Variants in PTPDC1 observed in about 807,000 individuals in gnomAD.
PTPDC1 encodes the protein protein tyrosine phosphatase domain-containing protein 1.
In PTPDC1, 53 loss-of-function variants were observed where a neutral mutation model predicts 75.3. The ratio of observed to expected loss-of-function variants is 0.70; its 90% confidence interval spans 0.56 to 0.88. The LOEUF (loss-of-function observed/expected upper bound fraction) is 0.88. Ranked by LOEUF, PTPDC1 falls within the 40% of genes least tolerant of loss-of-function variation. The pLI, the probability that PTPDC1 is intolerant of heterozygous loss-of-function variation, is 0.00. For synonymous variants in PTPDC1, 349 were observed against 366.2 expected (o/e 0.95, Z 0.54); for missense variants, 925 against 998.6 (o/e 0.93, Z 0.99).
exon 1 of PTPDC1, chr9:94,030,939 G>C (rs561810391): frequency 6.6e-6 from 1 of 152,326 alleles, no homozygotes; most frequent in Non-Finnish European, 1.5e-5. Context: ...GGGAGCAGCA[G>C]GGATCGGTGC....
chr9:94,094,242 T>C (rs546932886), intron 4 of PTPDC1, among the ~76,000 whole-genome samples: 3 of 151,910 alleles, frequency 2.0e-5, no homozygotes, highest in African/African-American at 4.8e-5. Context: ...ATGATGGTGA[T>C]GTACAGATGG....
chr9:94,091,742 T>C (rs1332673456), intron 4 of PTPDC1, among the ~76,000 whole-genome samples: 1 of 152,218 alleles, frequency 6.6e-6, no homozygotes, highest in Non-Finnish European at 1.5e-5. Flanking sequence ...AAGCTATTGA[T>C]TATTGCCACA....
At chr9:94,091,661 C>T (rs1483308224) in intron 4 of PTPDC1, among the ~76,000 whole-genome samples, 1 of 152,152 alleles carries the variant, frequency 6.6e-6, no homozygotes, top group East Asian at 1.9e-4. Context: ...AGGAATGGTA[C>T]CAGTTCCTCC....
At chr9:94,034,040 A>G (rs1374363574) in intron 1 of PTPDC1, among the ~76,000 whole-genome samples, 2 of 152,234 alleles carry the variant, frequency 1.3e-5, no homozygotes, top group African/African-American at 4.8e-5. Context: ...TAAATTATAT[A>G]AGAAAAAGAT....
chr9:94,059,679 A>C (rs913718868), intron 1 of PTPDC1, among the ~76,000 whole-genome samples: 4 of 152,226 alleles, frequency 2.6e-5, no homozygotes, highest in Admixed American at 2.0e-4. Flanking sequence ...CCCCAGCCCC[A>C]GAATAACTAA....
chr9:94,100,415 A>G (rs1352702289), intron 6 of PTPDC1: 1 of 152,232 alleles, frequency 6.6e-6, no homozygotes, highest in Non-Finnish European at 1.5e-5. Context: ...TGTTTTATAC[A>G]TGATCTATGG....
At chr9:94,107,346 G>A (rs1828059241) in intron 8 of PTPDC1, among the ~76,000 whole-genome samples, 1 of 152,208 alleles carries the variant, frequency 6.6e-6, no homozygotes, top group African/African-American at 2.4e-5. Flanking sequence ...TTACAAAGGA[G>A]GAGATCAAGG....
At chr9:94,071,833 T>C (rs1826520348) in intron 2 of PTPDC1, among the ~76,000 whole-genome samples, 1 of 152,242 alleles carries the variant, frequency 6.6e-6, no homozygotes, top group South Asian at 2.1e-4. Flanking sequence ...TTTGAGGAGA[T>C]TGCCATCTTT....
chr9:94,049,931 C>G (rs982128075), intron 1 of PTPDC1, among the ~76,000 whole-genome samples: 2 of 152,124 alleles, frequency 1.3e-5, no homozygotes, highest in Admixed American at 6.5e-5. Context: ...TCTTTTTTCT[C>G]CAAGCTTCTC....
At chr9:94,087,134 T>C (rs986218038) in intron 2 of PTPDC1, among the ~76,000 whole-genome samples, 1 of 152,206 alleles carries the variant, frequency 6.6e-6, no homozygotes, top group African/African-American at 2.4e-5. Flanking sequence ...GACTGTTACC[T>C]TCACCACCAG....
chr9:94,034,664 G>A (rs559579810), intron 1 of PTPDC1, among the ~76,000 whole-genome samples: 7 of 152,266 alleles, frequency 4.6e-5, no homozygotes, highest in African/African-American at 1.4e-4. Flanking sequence ...TTCCATTAAA[G>A]TATCAATGTT....
chr9:94,102,245 T>G (rs1445120925), intron 7 of PTPDC1, among the ~76,000 whole-genome samples: 1 of 152,094 alleles, frequency 6.6e-6, no homozygotes, highest in African/African-American at 2.4e-5. Context: ...TGAATTAGGT[T>G]GGGATATGCA....
rs745926825 is a variant in PTPDC1 at position 94,097,827 on chromosome 9, C to A, written c.1261C>A (p.Gln421Lys). Residue 421 changes from glutamine to lysine, a missense_variant, in exon 6 of 9, where the codon CAA becomes AAA. Transcript: ENST00000620992. The part of the protein sequence containing the change: ...DNRGMIFSNE[Q>K]QFDPLWKRRN... ...TCGAGGCATGATTTTCTCCAATGAGCAACAGTTTGACCCTCTTTGGAAAAG... is the reference window on the plus strand; with the variant it reads ...TCGAGGCATGATTTTCTCCAATGAGAAACAGTTTGACCCTCTTTGGAAAAG... 1 of 1,614,168 alleles carries A rather than the reference C, an allele frequency of 6.2e-7. No homozygotes were observed.
chr9:94,035,944 T>A (rs1369865160), intron 1 of PTPDC1, among the ~76,000 whole-genome samples: 1 of 152,104 alleles, frequency 6.6e-6, no homozygotes. Context: ...CACTTTTTCA[T>A]GTACCTGTTG....
chr9:94,087,946 ACT>A, intron 3 of PTPDC1, 35 bp downstream of exon 3: 1 of 1,567,342 alleles, frequency 6.4e-7, no homozygotes. Flanking sequence ...GAGTGAGCAA[ACT>A]CATGTGTTTT....
intron 2 of PTPDC1, among the ~76,000 whole-genome samples, chr9:94,065,673 T>G (rs1346809946): frequency 6.6e-6 from 1 of 152,236 alleles, no homozygotes; most frequent in African/African-American, 2.4e-5. Flanking sequence ...TTCCCACTTC[T>G]CATCTTGTCT....
chr9:94,104,639 A>G (rs1331986071), intron 8 of PTPDC1, among the ~76,000 whole-genome samples: 2 of 152,244 alleles, frequency 1.3e-5, no homozygotes, highest in African/African-American at 4.8e-5. Flanking sequence ...GAGCTTTTAT[A>G]TAAAAGAAAG....
At chr9:94,050,575 T>G (rs1296995905) in intron 1 of PTPDC1, among the ~76,000 whole-genome samples, 2 of 152,090 alleles carry the variant, frequency 1.3e-5, no homozygotes, top group Non-Finnish European at 2.9e-5. Flanking sequence ...CCTCTGGAAG[T>G]TTTGTCTCAG....
intron 4 of PTPDC1, among the ~76,000 whole-genome samples, chr9:94,091,503 T>A (rs1381378997): frequency 6.6e-6 from 1 of 152,158 alleles, no homozygotes; most frequent in Non-Finnish European, 1.5e-5. Flanking sequence ...TACTGAGGAT[T>A]TTTGCATCAA....
Sources: allele counts gnomAD v4.1 joint callset (sites outside exome capture counted in the v4.1 genomes callset), GRCh38; gene constraint gnomAD v4.1.1; transcripts MANE v1.5; gene names NCBI Gene and HGNC (gene_info 2026-07-23, HGNC 2026-07-21).